The following ACOT9 variants were observed in gnomAD, a reference collection of about 807,000 sequenced individuals.
ACOT9 encodes acyl-CoA thioesterase 9.
Under a neutral mutation model 39.7 loss-of-function variants are expected in ACOT9, and 34 were observed. The observed-to-expected ratio is 0.86, with a 90% confidence interval of 0.65 to 1.14. The LOEUF (loss-of-function observed/expected upper bound fraction) is 1.14, where lower values mean the gene tolerates loss of function less well. Ranked by LOEUF, ACOT9 falls within the 50% of genes most tolerant of loss-of-function variation. ACOT9 has a pLI of 0.00. For synonymous variants in ACOT9, 110 were observed against 120.5 expected, an observed-to-expected ratio of 0.91 and a Z score of 0.57; for missense variants, 313 against 344.1, an observed-to-expected ratio of 0.91 and a Z score of 0.71.
At chrX:23,740,568 A>G (rs1308585444) in intron 1 of ACOT9, among the ~76,000 whole-genome samples, 1 of 109,475 alleles carries the variant, frequency 9.1e-6, no homozygotes, top group Non-Finnish European at 1.9e-5. Context: ...TTGTACCCTC[A>G]GATCCCCCTA....
At chrX:23,742,951 G>C (rs1244319687) in intron 1 of ACOT9, among the ~76,000 whole-genome samples, 174 bp downstream of exon 1, 1 of 113,004 alleles carries the variant, frequency 8.8e-6, no homozygotes, top group Non-Finnish European at 1.9e-5. Flanking sequence ...CCCAACCAAA[G>C]GCCGGCGGGC....
chrX:23,708,394 G>C (rs1486297560), intron 9 of ACOT9, among the ~76,000 whole-genome samples: 1 of 111,436 alleles, frequency 9.0e-6, no homozygotes, highest in East Asian at 2.8e-4. Context: ...GCCGGGCGTG[G>C]TGGCACATGC....
rs181332954 is a variant in ACOT9, at chrX:23,743,004, T to C, written c.20+121A>G. Reference sequence around the variant, plus strand: ...TACAGTGGGCGAGCGCCCCTTATCATAGAGCCCAAATGCCCATGCGTGGCC... The same window carrying C: ...TACAGTGGGCGAGCGCCCCTTATCACAGAGCCCAAATGCCCATGCGTGGCC... On this transcript the variant is annotated intron_variant, in intron 1 of 15. Coordinates refer to ENST00000379303, the MANE Select transcript of ACOT9 (RefSeq NM_001037171.2). The C allele has an allele frequency of 8.1e-5, 72 of 889,080 alleles. No individual in the cohort carries two copies. The African/African-American group carries it at 1.1e-3, about 14-fold the overall frequency. 73.3% of individuals were successfully genotyped at this position (889,080 alleles called of 1,213,427 possible). A position where few individuals can be genotyped will look rare whatever the true frequency, so the allele number is the denominator to read the frequency against.
In ACOT9 at chrX:23,743,254, G is replaced by T. The variant is rs1434685155; in HGVS notation, c.-110C>A. On this transcript the variant is annotated 5_prime_UTR_variant, in exon 1 of 16. Coordinates refer to ENST00000379303, the MANE Select transcript of ACOT9 (RefSeq NM_001037171.2). ...GAGTACCAGACCGCGCCCTTGCTGAGGACAGCCCGGGAGCCGGACAGCGGT... is the reference window on the plus strand; with the variant it reads ...GAGTACCAGACCGCGCCCTTGCTGATGACAGCCCGGGAGCCGGACAGCGGT... The T allele has an allele frequency of 5.2e-6, 5 of 966,949 alleles. No homozygotes were observed. Among genetic ancestry groups the T allele is most frequent in the East Asian group, 3.9e-5 (1 of 25,348 alleles). The allele number at this position is 966,949 out of a possible 1,213,427, so 79.7% of individuals were successfully genotyped here.
At chrX:23,737,184 G>A (rs1448912766) in intron 1 of ACOT9, among the ~76,000 whole-genome samples, 1 of 110,925 alleles carries the variant, frequency 9.0e-6, no homozygotes, top group Admixed American at 9.7e-5. Flanking sequence ...GTGGTGGCAG[G>A]CACCTGTAAT....
chrX:23,715,174 TA>T (rs772781351), intron 8 of ACOT9, among the ~76,000 whole-genome samples: 1 of 111,374 alleles, frequency 9.0e-6, no homozygotes, highest in Non-Finnish European at 1.9e-5. Flanking sequence ...GCGTGGCATA[TA>T]AAGCCCTCCA....
chrX:23,712,765 C>T (rs776108677), intron 9 of ACOT9, among the ~76,000 whole-genome samples: 13 of 111,762 alleles, frequency 1.2e-4, no homozygotes, highest in Admixed American at 4.8e-4. Flanking sequence ...GGACCATAGG[C>T]GCGTGCCACC....
intron 7 of ACOT9, among the ~76,000 whole-genome samples, chrX:23,722,350 G>A (rs1227607636): frequency 9.0e-6 from 1 of 111,268 alleles, no homozygotes; most frequent in Non-Finnish European, 1.9e-5. Flanking sequence ...GATCACCTGA[G>A]GTCAGGAGTT....
intron 7 of ACOT9, 44 bp from the exon 8 acceptor site, chrX:23,722,028 T>G (rs1160572904): frequency 4.1e-6 from 4 of 964,782 alleles, no homozygotes; most frequent in Non-Finnish European, 5.7e-6. Flanking sequence ...TACCAAAAAT[T>G]TTCTGTTCTG....
At position 23,733,143 on chromosome X, in the gene ACOT9, A is replaced by G. The variant is rs73625172; in HGVS notation, c.191+29T>C. On this transcript the variant is annotated intron_variant, in intron 4 of 15. Coordinates refer to ENST00000379303, the MANE Select transcript of ACOT9 (RefSeq NM_001037171.2). ...GTGTAGTATAATACCTTGGGGATGA[A>G]AAGAATGAATGAAAACAAAGATGCA... 733 of 1,194,613 alleles carry G rather than the reference A, an allele frequency of 6.1e-4. 1 individual carries two copies. In the African/African-American group the frequency reaches 0.011, roughly 18 times the overall value.
intron 6 of ACOT9, among the ~76,000 whole-genome samples, chrX:23,726,103 G>A (rs1396214774): frequency 1.8e-5 from 2 of 109,678 alleles, no homozygotes; most frequent in Non-Finnish European, 3.8e-5. Flanking sequence ...GGGAGGCTGA[G>A]GCAGGAGAAT....
chrX:23,730,400 T>C, intron 6 of ACOT9, 127 bp downstream of exon 6: 1 of 569,990 alleles, frequency 1.8e-6, no homozygotes, highest in Non-Finnish European at 2.9e-6. Context: ...GCCGATGTCC[T>C]TCTTTTTTTG....
chrX:23,730,336 G>A (rs913476401), intron 6 of ACOT9, among the ~76,000 whole-genome samples, 191 bp downstream of exon 6: 20 of 109,388 alleles, frequency 1.8e-4, no homozygotes, highest in East Asian at 2.9e-4. Context: ...CAAGTGATCC[G>A]CCCGCCTCAG....
chrX:23,722,424 C>A (rs1929350138), intron 7 of ACOT9, among the ~76,000 whole-genome samples: 1 of 110,214 alleles, frequency 9.1e-6, no homozygotes, highest in Non-Finnish European at 1.9e-5. Context: ...ATTAGCCGGG[C>A]GTGGTGGCAC....
At chrX:23,726,007 C>T (rs766486817) in intron 6 of ACOT9, among the ~76,000 whole-genome samples, 5 of 109,240 alleles carry the variant, frequency 4.6e-5, no homozygotes, top group South Asian at 3.9e-4. Context: ...GAGACCAGCC[C>T]GGCCAACATG....
In ACOT9 at chrX:23,742,955, G is replaced by T. The variant is rs891497020; in HGVS notation, c.20+170C>A. Among the ~76,000 whole-genome samples the T allele has an allele frequency of 3.5e-5, 4 of 113,006 alleles. No homozygotes were observed. The Admixed American group carries it at 3.7e-4, about 11-fold the overall frequency. ...GGCGAGGTTCTCCCAACCAAAGGCC[G>T]GCGGGCTTATGTCCGGTCGGAGGTA... is the stretch of plus-strand genomic sequence containing the variant. On this transcript the variant is annotated intron_variant, in intron 1 of 15. Transcript: ENST00000379303.
intron 12 of ACOT9, 56 bp from the exon 13 acceptor site, chrX:23,705,650 C>T: frequency 3.5e-6 from 4 of 1,132,555 alleles, no homozygotes; most frequent in Non-Finnish European, 4.8e-6. Flanking sequence ...CCTTTGTATA[C>T]AGAACAGAGG....
chrX:23,733,108 C>T (rs981900855), intron 4 of ACOT9, 64 bp downstream of exon 4: 2 of 1,050,449 alleles, frequency 1.9e-6, no homozygotes, highest in Non-Finnish European at 2.6e-6. Context: ...ATCAACTGAG[C>T]CTAAATACAG....
At chrX:23,723,885 T>A (rs927614913) in intron 6 of ACOT9, among the ~76,000 whole-genome samples, 6 of 111,883 alleles carry the variant, frequency 5.4e-5, no homozygotes, top group African/African-American at 1.9e-4. Flanking sequence ...AGACTATGAG[T>A]TAAGAAGAAG....
Sources: gnomAD v4.1 joint callset for allele counts (sites outside exome capture counted in the v4.1 genomes callset) on GRCh38, gnomAD v4.1.1 for gene constraint, MANE v1.5 for transcripts, NCBI Gene and HGNC (gene_info 2026-07-23, HGNC 2026-07-21) for gene names.